The following NAV2 variants were observed in gnomAD, a reference collection of about 807,000 sequenced individuals.
NAV2 encodes the protein neuron navigator 2, also known as helicase, APC down-regulated 1.
A neutral mutation model predicts 223.2 loss-of-function variants in NAV2; 54 were observed. The ratio of observed to expected loss-of-function variants is 0.24; its 90% confidence interval spans 0.19 to 0.30. NAV2 has a LOEUF of 0.30. Among genes scored for constraint, NAV2 ranks in the 10% least tolerant of loss-of-function variants. NAV2 has a pLI of 1.00. For missense variants in NAV2, 2,806 were observed against 3,147.5 expected (o/e 0.89, Z 2.60); for synonymous variants, 1,279 against 1,239.3 (o/e 1.03, Z -0.67).
At chr11:19,710,666 A>G (rs559278247), upstream of NAV2, among the ~76,000 whole-genome samples, 13 of 152,364 alleles carry the variant, frequency 8.5e-5, no homozygotes, top group East Asian at 2.5e-3. Context: ...ATACTTTGGA[A>G]TATCTCCCTG....
intron 1 of NAV2, among the ~76,000 whole-genome samples, chr11:19,674,314 G>T (rs772360795): frequency 6.6e-6 from 1 of 152,182 alleles, no homozygotes; most frequent in East Asian, 1.9e-4. Flanking sequence ...CAAGAGGGAC[G>T]GGAGGGCGCG....
At chr11:19,984,315 G>T in intron 11 of NAV2, 68 bp downstream of exon 11, 4 of 1,607,596 alleles carry the variant, frequency 2.5e-6, no homozygotes, top group Non-Finnish European at 3.4e-6. Flanking sequence ...AGAAATGAGG[G>T]TTATGATATT....
chr11:19,454,226 A>G (rs1337959212), intron 1 of NAV2, among the ~76,000 whole-genome samples: 1 of 152,212 alleles, frequency 6.6e-6, no homozygotes, highest in Admixed American at 6.5e-5. Flanking sequence ...GTTAGGTTTC[A>G]GCAGCTCAGG....
At chr11:19,602,412 A>G (rs569479980) in intron 1 of NAV2, among the ~76,000 whole-genome samples, 3 of 152,166 alleles carry the variant, frequency 2.0e-5, no homozygotes, top group Admixed American at 1.3e-4. Context: ...TCCTGACCTC[A>G]TGATCTTCCT....
chr11:19,537,592 CT>C (rs1488309609), intron 1 of NAV2, among the ~76,000 whole-genome samples: 1 of 152,192 alleles, frequency 6.6e-6, no homozygotes, highest in Non-Finnish European at 1.5e-5. Flanking sequence ...CAGTGACAGG[CT>C]TTAGAATTGG....
chr11:20,046,959 T>C (rs1437205157), intron 14 of NAV2, among the ~76,000 whole-genome samples: 3 of 152,188 alleles, frequency 2.0e-5, no homozygotes, highest in Non-Finnish European at 4.4e-5. Flanking sequence ...TATCTGGGGA[T>C]GAACAGGAAT....
At chr11:20,099,473 C>T (rs572059191) in intron 31 of NAV2, among the ~76,000 whole-genome samples, 2 of 152,320 alleles carry the variant, frequency 1.3e-5, no homozygotes, top group South Asian at 4.1e-4. Context: ...GATTACCTGC[C>T]TCTAGTGGAG....
chr11:20,051,065 AC>A (rs2057956710), intron 16 of NAV2, among the ~76,000 whole-genome samples: 1 of 152,168 alleles, frequency 6.6e-6, no homozygotes, highest in Non-Finnish European at 1.5e-5. Flanking sequence ...CCTCCTGGTG[AC>A]CTGGGGTAAA....
intron 1 of NAV2, among the ~76,000 whole-genome samples, chr11:19,538,455 C>T (rs536038056): frequency 2.6e-5 from 4 of 152,240 alleles, no homozygotes; most frequent in Non-Finnish European, 4.4e-5. Flanking sequence ...ATCCTTCTAC[C>T]TCAGCCTCCC....
chr11:19,782,253 T>G (rs1223570669), intron 1 of NAV2, among the ~76,000 whole-genome samples: 3 of 152,224 alleles, frequency 2.0e-5, no homozygotes, highest in Non-Finnish European at 2.9e-5. Flanking sequence ...ATAGCCTTGA[T>G]GTACTTTCCT....
At chr11:20,033,660 C>T (rs571216749) in intron 11 of NAV2, among the ~76,000 whole-genome samples, 19 of 152,238 alleles carry the variant, frequency 1.2e-4, no homozygotes, top group Admixed American at 9.2e-4. Context: ...CATTTCTGTG[C>T]GATGTTCCAG....
At chr11:19,592,156 TC>T (rs1361194080) in intron 1 of NAV2, among the ~76,000 whole-genome samples, 3 of 152,150 alleles carry the variant, frequency 2.0e-5, no homozygotes, top group Non-Finnish European at 2.9e-5. Context: ...GATTTGTTGC[TC>T]ATTCAGCGCC....
intron 1 of NAV2, among the ~76,000 whole-genome samples, chr11:19,603,444 A>G (rs1480410345): frequency 1.3e-5 from 2 of 152,008 alleles, no homozygotes; most frequent in African/African-American, 4.8e-5. Flanking sequence ...TGGCTAACAC[A>G]GTGAAATGCC....
chr11:20,082,555 C>A, intron 25 of NAV2: 1 of 1,613,108 alleles, frequency 6.2e-7, no homozygotes, highest in Non-Finnish European at 8.5e-7. Context: ...CTTTTTTCCT[C>A]CCCCTTCCCC....
chr11:19,546,400 G>A (rs1254847452), intron 1 of NAV2, among the ~76,000 whole-genome samples: 2 of 152,218 alleles, frequency 1.3e-5, no homozygotes, highest in Non-Finnish European at 2.9e-5. Context: ...CCCTGGGTGT[G>A]GGGCCCAGAT....
chr11:20,022,514 G>A lies in NAV2; in HGVS notation c.2769-13445G>A, dbSNP rs1304181043. On this transcript the variant is annotated intron_variant, in intron 11 of 37. Coordinates refer to ENST00000349880, the MANE Select transcript of NAV2 (RefSeq NM_145117.5). ...GTGTCGTTGTTAACTGTACAAACAG[G>A]TATCATTTCCTTTTTAGGTTCAGAA... is the stretch of plus-strand genomic sequence containing the variant. 5 of 982,508 alleles carry A rather than the reference G, an allele frequency of 5.1e-6. No individual in the cohort carries two copies. In the South Asian group the frequency reaches 1.4e-4, roughly 28 times the overall value. The allele number at this position is 982,508 out of a possible 1,614,324, so 60.9% of individuals were successfully genotyped here. A position where few individuals can be genotyped will look rare whatever the true frequency, so the allele number is the denominator to read the frequency against.
At chr11:19,450,543 A>G (rs1341727425) in intron 1 of NAV2, among the ~76,000 whole-genome samples, 2 of 152,204 alleles carry the variant, frequency 1.3e-5, no homozygotes, top group African/African-American at 2.4e-5. Context: ...GGCTTATTCA[A>G]AACAGCACAT....
chr11:19,487,591 G>A lies in NAV2; in HGVS notation c.75+136564G>A, dbSNP rs115644731. 8.3e-3 allele frequency among the ~76,000 whole-genome samples: 1,262 copies of A among 152,274 alleles called. 12 individuals carry two copies. Among genetic ancestry groups the A allele is most frequent in the African/African-American group, 0.029 (1,192 of 41,550 alleles). On this transcript the variant is annotated intron_variant, in intron 1 of 37. Coordinates refer to the NAV2 transcript ENST00000360655. ...TGGACTGCTTGCTTTGGTGAAGTCA[G>A]AAGCCATGTTACATAGGTCCATGTG...
chr11:19,939,810 G>A, intron 8 of NAV2, 37 bp downstream of exon 8: 1 of 1,507,242 alleles, frequency 6.6e-7, no homozygotes, highest in East Asian at 2.3e-5. Flanking sequence ...GTCTGTTGGT[G>A]ATGAGGCCTT....
Sources: gnomAD v4.1 joint callset for allele counts (sites outside exome capture counted in the v4.1 genomes callset) on GRCh38, gnomAD v4.1.1 for gene constraint, MANE v1.5 for transcripts, NCBI Gene and HGNC (gene_info 2026-07-23, HGNC 2026-07-21) for gene names.